BNIP2: variants seen among roughly 807,000 people sequenced by gnomAD.
BNIP2 encodes BCL2 interacting protein 2, also known as BCL2/adenovirus E1B 19 kDa protein-interacting protein 2.
A neutral mutation model predicts 43.4 loss-of-function variants in BNIP2; 36 were observed. The observed-to-expected ratio is 0.83, with a 90% CI of 0.64 to 1.10. BNIP2 has a LOEUF of 1.10. Among genes scored for constraint, BNIP2 ranks in the 50% least tolerant of loss-of-function variants. BNIP2 has a pLI of 0.00. For missense variants in BNIP2, 417 were observed against 374.1 expected (o/e 1.11, Z -0.95); for synonymous variants, 146 against 121.0 (o/e 1.21, Z -1.35).
At chr15:59,669,186 T>C (rs1235629456) in intron 8 of BNIP2, 90 bp downstream of exon 8, 10 of 1,098,694 alleles carry the variant, frequency 9.1e-6, no homozygotes, top group Admixed American at 8.6e-5. Flanking sequence ...TATAGCTCTG[T>C]ATCCCATAAG....
intron 5 of BNIP2, chr15:59,676,636 T>C (rs1364593331): frequency 3.5e-6 from 2 of 568,354 alleles, no homozygotes; most frequent in African/African-American, 3.7e-5. Flanking sequence ...CAAAATTACA[T>C]AATATCTCTA....
intron 1 of BNIP2, chr15:59,688,695 T>A: frequency 6.5e-7 from 1 of 1,534,498 alleles, no homozygotes; most frequent in Non-Finnish European, 8.7e-7. Flanking sequence ...TTACTTATGC[T>A]GCTTCCGTGT....
rs1327956819 is a variant in BNIP2, at chr15:59,671,213, A to C, written c.677T>G (p.Leu226Arg). Residue 226 changes from leucine to arginine, a missense_variant, in exon 7 of 10, where the codon CTC becomes CGC. Transcript: ENST00000607373. Reference sequence around the variant, plus strand: ...ATCAATTTGCTGATAACATTTCCTGAGCCATCCCAGACTGGGCATTTTTCT... The same window carrying C: ...ATCAATTTGCTGATAACATTTCCTGCGCCATCCCAGACTGGGCATTTTTCT... The part of the protein sequence containing the change: ...TRRKMPSLGW[L>R]RKCYQQIDRR... 4.4e-6 allele frequency: 7 copies of C among 1,601,578 alleles called. No individual in the cohort carries two copies. Among genetic ancestry groups the C allele is most frequent in the Non-Finnish European group, 6.0e-6 (7 of 1,173,180 alleles).
intron 5 of BNIP2, chr15:59,676,761 A>C: frequency 6.9e-7 from 1 of 1,459,618 alleles, no homozygotes; most frequent in South Asian, 1.2e-5. Flanking sequence ...GGTGTCATGG[A>C]GGATGAGCGG....
At chr15:59,688,534 C>T (rs1375221509) in intron 1 of BNIP2, 2 of 617,822 alleles carry the variant, frequency 3.2e-6, no homozygotes, top group African/African-American at 1.9e-5. Flanking sequence ...AGTAACTCTC[C>T]AGCGGCATGA....
intron 9 of BNIP2, chr15:59,667,972 G>T: frequency 4.0e-6 from 2 of 495,696 alleles, no homozygotes; most frequent in Non-Finnish European, 6.5e-6. Context: ...CCCTGTATTT[G>T]GAAGTTGGGG....
rs373202880 is a variant in BNIP2, at chr15:59,668,998, A to G, written c.795-8T>C. On this transcript the variant is annotated splice_region_variant and splice_polypyrimidine_tract_variant and intron_variant, in intron 8 of 9. Transcript: ENST00000607373. ...TTTTGGCTGAATTTCGAGCTATGGA[A>G]GAAAATAAAAATAATTACTTCCATA... The G allele has an allele frequency of 1.2e-6, 2 of 1,606,220 alleles. No individual in the cohort carries two copies. Among genetic ancestry groups the G allele is most frequent in the African/African-American group, 2.7e-5 (2 of 74,778 alleles).
chr15:59,664,886 T>C (rs192123697), intron 9 of BNIP2, among the ~76,000 whole-genome samples: 6 of 152,338 alleles, frequency 3.9e-5, no homozygotes, highest in South Asian at 2.1e-4. Context: ...TGCATCCTTA[T>C]AGAACCCATA....
intron 9 of BNIP2, among the ~76,000 whole-genome samples, chr15:59,664,751 A>G (rs1892467722): frequency 6.6e-6 from 1 of 152,318 alleles, no homozygotes; most frequent in East Asian, 1.9e-4. Flanking sequence ...TGTGGTAGGG[A>G]TCCAGGTGGT....
At chr15:59,686,931 C>A (rs560482139) in intron 1 of BNIP2, among the ~76,000 whole-genome samples, 7 of 152,162 alleles carry the variant, frequency 4.6e-5, no homozygotes, top group African/African-American at 1.7e-4. Flanking sequence ...GCAGGAGAAT[C>A]GCTTGAACCT....
rs183810151 is a variant in BNIP2 at position 59,667,878 on chromosome 15, G to C, written c.893+1014C>G. On this transcript the variant is annotated intron_variant, in intron 9 of 9. Coordinates refer to ENST00000607373, the MANE Select transcript of BNIP2 (RefSeq NM_004330.4). ...TAAGAAGGAGAGAGAAGGGTCTGTG[G>C]TTTTTAATTGCTAATTGGCATCATA... Among the ~76,000 whole-genome samples, 417 of 152,300 alleles carry C rather than the reference G, an allele frequency of 2.7e-3. 3 individuals carry two copies. Among genetic ancestry groups the C allele is most frequent in the African/African-American group, 9.5e-3 (396 of 41,564 alleles).
rs758656404 is a variant in BNIP2, at chr15:59,678,090, G to A, written c.296-3C>T. ...AGTCTTGGGTTTTGGAAGATCATCT[G>A]TCAAAATACAAAGTTTTTGAATCAC... On this transcript the variant is annotated splice_polypyrimidine_tract_variant and splice_region_variant and intron_variant, in intron 4 of 9. Transcript: ENST00000607373. 3.8e-6 allele frequency: 6 copies of A among 1,598,856 alleles called. No individual in the cohort carries two copies. In the African/African-American group the frequency reaches 5.4e-5, roughly 14 times the overall value.
Position 59,665,711 on chromosome 15 carries a change from A to G in BNIP2, c.894-1591T>C, listed in dbSNP as rs557334745. Among the ~76,000 whole-genome samples the G allele has an allele frequency of 5.9e-5, 9 of 152,372 alleles. No homozygotes were observed. In the South Asian group the frequency reaches 8.3e-4, roughly 14 times the overall value. ...CGCATGTGGGCATTAGAAGGATTAC[A>G]TAATTACCACATAATAATTACAGAC... is the stretch of plus-strand genomic sequence containing the variant. On this transcript the variant is annotated intron_variant, in intron 9 of 9. Coordinates refer to ENST00000607373, the MANE Select transcript of BNIP2 (RefSeq NM_004330.4).
intron 2 of BNIP2, among the ~76,000 whole-genome samples, chr15:59,682,181 G>A (rs1162879182): frequency 6.6e-6 from 1 of 152,044 alleles, no homozygotes; most frequent in Non-Finnish European, 1.5e-5. Context: ...ACAAAAATTA[G>A]CCAGGCGTGG....
chr15:59,665,352 C>T (rs1159693217), intron 9 of BNIP2: 1 of 151,998 alleles, frequency 6.6e-6, no homozygotes, highest in African/African-American at 2.4e-5. Context: ...TGGCTTACAC[C>T]TATGATCCCA....
chr15:59,680,681 A>T (rs1211038415), intron 2 of BNIP2, among the ~76,000 whole-genome samples: 1 of 152,214 alleles, frequency 6.6e-6, no homozygotes, highest in Non-Finnish European at 1.5e-5. Flanking sequence ...GATTACAGGC[A>T]TGAGCCACTG....
At chr15:59,678,982 T>C in intron 4 of BNIP2, 1 of 592,004 alleles carries the variant, frequency 1.7e-6, no homozygotes, top group Non-Finnish European at 2.4e-6. Flanking sequence ...CATATCACAC[T>C]TTATTACAGT....
chr15:59,688,511 C>A lies in BNIP2; in HGVS notation c.-58+624G>T, dbSNP rs201279751. The A allele has an allele frequency of 7.9e-6, 4 of 507,324 alleles. No individual in the cohort carries two copies. In the Admixed American group the frequency reaches 1.5e-4, roughly 19 times the overall value. 31.4% of individuals were successfully genotyped at this position (507,324 alleles called of 1,614,324 possible). On this transcript the variant is annotated intron_variant, in intron 1 of 9. Transcript: ENST00000607373. ...AAAAGCTGTTTCGTCAAAGAGCTCA[C>A]AAGACACAGACAAGTAACTCTCCAG...
At position 59,663,712 on chromosome 15, in the gene BNIP2, A is replaced by T. The variant is rs1892396299; in HGVS notation, c.*357T>A. On this transcript the variant is annotated 3_prime_UTR_variant, in exon 10 of 10. Transcript: ENST00000607373. Reference sequence around the variant, plus strand: ...AAAAATATTGCTCAATGACATAAAAATATATATTATTTCTTTCCTTTGCCA... The same window carrying T: ...AAAAATATTGCTCAATGACATAAAATTATATATTATTTCTTTCCTTTGCCA... The T allele has an allele frequency of 6.1e-6, 1 of 162,840 alleles. No individual in the cohort carries two copies. 10.1% of individuals were successfully genotyped at this position (162,840 alleles called of 1,614,324 possible). A position where few individuals can be genotyped will look rare whatever the true frequency, so the allele number is the denominator to read the frequency against.
Sources: gnomAD v4.1 joint callset for allele counts (sites outside exome capture counted in the v4.1 genomes callset) on GRCh38, gnomAD v4.1.1 for gene constraint, MANE v1.5 for transcripts, NCBI Gene and HGNC (gene_info 2026-07-23, HGNC 2026-07-21) for gene names.